ABI2: variants seen among roughly 807,000 people sequenced by gnomAD.
ABI2 encodes abl interactor 2, also known as abelson interactor 2.
A neutral mutation model predicts 59.2 loss-of-function variants in ABI2; 25 were observed. The ratio of observed to expected loss-of-function variants is 0.42; its 90% confidence interval spans 0.31 to 0.59. The LOEUF (loss-of-function observed/expected upper bound fraction) is 0.59. Among genes scored for constraint, ABI2 ranks in the 20% least tolerant of loss-of-function variants. The pLI, the probability that ABI2 is intolerant of heterozygous loss-of-function variation, is 0.14. For missense variants in ABI2, 545 were observed against 681.8 expected (o/e 0.80, Z 2.23); for synonymous variants, 213 against 235.5 (o/e 0.90, Z 0.87).
intron 1 of ABI2, among the ~76,000 whole-genome samples, chr2:203,347,700 CTG>C (rs752834872): frequency 6.6e-5 from 10 of 152,312 alleles, no homozygotes; most frequent in Middle Eastern, 3.4e-3. Flanking sequence ...CACAGGCAAA[CTG>C]TGTATTATAC....
At chr2:203,347,751 A>G (rs531867068) in intron 1 of ABI2, among the ~76,000 whole-genome samples, 3 of 152,308 alleles carry the variant, frequency 2.0e-5, no homozygotes, top group Admixed American at 1.3e-4. Flanking sequence ...TAACTGGGAA[A>G]TTGTAGGTGC....
chr2:203,410,495 T>C (rs1354339089), intron 9 of ABI2, among the ~76,000 whole-genome samples: 1 of 152,172 alleles, frequency 6.6e-6, no homozygotes, highest in East Asian at 1.9e-4. Context: ...GTTGACAGTT[T>C]ATTAGTTCTA....
At chr2:203,408,934 G>A (rs555106360) in intron 9 of ABI2, among the ~76,000 whole-genome samples, 184 of 135,294 alleles carry the variant, frequency 1.4e-3, no homozygotes, top group African/African-American at 4.5e-3. Context: ...CGCTTCCCGG[G>A]TTCACGCCAT....
chr2:203,372,157 C>T (rs2095273760), intron 2 of ABI2, among the ~76,000 whole-genome samples: 1 of 151,860 alleles, frequency 6.6e-6, no homozygotes, highest in South Asian at 2.1e-4. Flanking sequence ...CTTCAAGCAT[C>T]TGTTTAACAA....
intron 1 of ABI2, among the ~76,000 whole-genome samples, chr2:203,351,882 G>A (rs2088847464): frequency 6.6e-6 from 1 of 152,088 alleles, no homozygotes; most frequent in Non-Finnish European, 1.5e-5. Context: ...GCATAATGAT[G>A]TTCTGGTCAA....
rs371453527 is a variant in ABI2 at position 203,388,544 on chromosome 2, G to A, written c.481-2502G>A. On this transcript the variant is annotated intron_variant, in intron 4 of 11. Transcript: ENST00000261018. Reference sequence around the variant, plus strand: ...CTAAAAATACAAAAAGTAGCTGGGCGTGGTGGTGCGCCTGTAATCCCAGCT... The same window carrying A: ...CTAAAAATACAAAAAGTAGCTGGGCATGGTGGTGCGCCTGTAATCCCAGCT... 7.9e-5 allele frequency among the ~76,000 whole-genome samples: 12 copies of A among 152,120 alleles called. 1 individual carries two copies. Among genetic ancestry groups the A allele is most frequent in the East Asian group, 3.9e-4 (2 of 5,170 alleles).
chr2:203,409,367 T>G (rs976372625), intron 9 of ABI2, among the ~76,000 whole-genome samples: 9 of 152,180 alleles, frequency 5.9e-5, no homozygotes, highest in Non-Finnish European at 1.3e-4. Flanking sequence ...CAAGATTATC[T>G]GCTTAACTCT....
Position 203,396,882 on chromosome 2 carries a change from A to G in ABI2, c.948A>G (p.Pro316=). 6.5e-7 allele frequency: 1 copy of G among 1,534,354 alleles called. No individual in the cohort carries two copies. Among genetic ancestry groups the G allele is most frequent in the East Asian group, 2.5e-5 (1 of 40,632 alleles). The part of the protein sequence containing the change: ...VPATVPSSTA[P]DAAAGGAQTL... ...CTACTGTCCCTTCCTCCACTGCCCC[A>G]GACGCTGCTGCTGGGGGTGCCCAGA... Residue 316 remains proline (P), a synonymous_variant, in exon 8 of 12, where the codon CCA becomes CCG. Coordinates refer to ENST00000261018, the MANE Select transcript of ABI2 (RefSeq NM_001375670.1).
intron 8 of ABI2, among the ~76,000 whole-genome samples, chr2:203,397,243 C>G (rs1022899586): frequency 6.6e-6 from 1 of 151,980 alleles, no homozygotes; most frequent in African/African-American, 2.4e-5. Flanking sequence ...TAATATGGAG[C>G]TACCTTCTAT....
chr2:203,427,105 T>G, intron 11 of ABI2, 72 bp from the exon 12 acceptor site: 1 of 1,362,974 alleles, frequency 7.3e-7, no homozygotes, highest in Non-Finnish European at 1.0e-6. Context: ...AGATAGCTAT[T>G]CACTGGCTTG....
intron 9 of ABI2, among the ~76,000 whole-genome samples, chr2:203,406,555 A>G (rs558612922): frequency 7.4e-4 from 113 of 152,376 alleles, no homozygotes; most frequent in Middle Eastern, 3.4e-3. Flanking sequence ...GCCATTTCAC[A>G]TATTCTCTAA....
At chr2:203,386,261 C>A (rs183146068) in intron 4 of ABI2, among the ~76,000 whole-genome samples, 136 of 152,044 alleles carry the variant, frequency 8.9e-4, no homozygotes, top group African/African-American at 3.2e-3. Flanking sequence ...ACACACTTCC[C>A]CTCTTCTATT....
chr2:203,368,996 T>A (rs1378242691), intron 2 of ABI2, among the ~76,000 whole-genome samples: 34 of 122,676 alleles, frequency 2.8e-4, no homozygotes, highest in Admixed American at 1.0e-3. Context: ...TTTTTTTTTT[T>A]TTTTTTTTTT....
At chr2:203,367,577 T>C (rs2094577663) in intron 2 of ABI2, among the ~76,000 whole-genome samples, 1 of 152,052 alleles carries the variant, frequency 6.6e-6, no homozygotes, top group Non-Finnish European at 1.5e-5. Context: ...GTCTTCATTA[T>C]AAAAGCCATA....
intron 1 of ABI2, among the ~76,000 whole-genome samples, chr2:203,343,619 A>G (rs1275499984): frequency 1.3e-5 from 2 of 152,136 alleles, no homozygotes; most frequent in Non-Finnish European, 2.9e-5. Flanking sequence ...GTGAGCCACT[A>G]TGCCCAGCAC....
intron 2 of ABI2, among the ~76,000 whole-genome samples, chr2:203,378,508 A>G (rs2095872498): frequency 6.6e-6 from 1 of 152,224 alleles, no homozygotes; most frequent in Non-Finnish European, 1.5e-5. Flanking sequence ...GCTCTGGAAC[A>G]TATAGATCCT....
At chr2:203,385,431 A>G (rs1263318212) in intron 4 of ABI2, among the ~76,000 whole-genome samples, 1 of 152,188 alleles carries the variant, frequency 6.6e-6, no homozygotes, top group Non-Finnish European at 1.5e-5. Flanking sequence ...GTGCCCGGCC[A>G]GATTCTTAAT....
intron 4 of ABI2, among the ~76,000 whole-genome samples, chr2:203,390,350 G>T (rs921667184): frequency 4.6e-5 from 7 of 152,172 alleles, no homozygotes; most frequent in African/African-American, 1.7e-4. Flanking sequence ...GAAAGTTACT[G>T]GCCGGGTGCA....
At chr2:203,363,033 A>G (rs2093748079) in intron 1 of ABI2, among the ~76,000 whole-genome samples, 4 of 151,680 alleles carry the variant, frequency 2.6e-5, no homozygotes, top group Admixed American at 2.6e-4. Flanking sequence ...GTTTTACCAT[A>G]TTGGCCAGGC....
Sources: gnomAD v4.1 joint callset for allele counts (sites outside exome capture counted in the v4.1 genomes callset) on GRCh38, gnomAD v4.1.1 for gene constraint, MANE v1.5 for transcripts, NCBI Gene and HGNC (gene_info 2026-07-23, HGNC 2026-07-21) for gene names.